The following NLRP12 variants were observed in gnomAD, a reference collection of about 807,000 sequenced individuals.
NLRP12 encodes NLR family pyrin domain containing 12.
In NLRP12, 108 loss-of-function variants were observed where a neutral mutation model predicts 91.2. The observed-to-expected ratio is 1.18, with a 90% confidence interval of 1.01 to 1.39. The LOEUF (loss-of-function observed/expected upper bound fraction) is 1.39, where lower values mean the gene tolerates loss of function less well. Among genes scored for constraint, NLRP12 ranks in the 40% most tolerant of loss-of-function variants. NLRP12 has a pLI of 0.00. For missense variants in NLRP12, 1,530 were observed against 1,352.7 expected, an observed-to-expected ratio of 1.13 and a Z score of -2.06; for synonymous variants, 613 against 566.7, an observed-to-expected ratio of 1.08 and a Z score of -1.16.
Position 53,814,216 on chromosome 19 carries a change from T to C in NLRP12, c.370+692A>G, listed in dbSNP as rs116296528. 5.2e-3 allele frequency among the ~76,000 whole-genome samples: 794 copies of C among 152,282 alleles called. 8 individuals are homozygous for C. Among genetic ancestry groups the C allele is most frequent in the Middle Eastern group, 0.02 (6 of 294 alleles). On this transcript the variant is annotated intron_variant, in intron 2 of 9. Coordinates refer to ENST00000324134, the MANE Select transcript of NLRP12 (RefSeq NM_144687.4). ...AAGCCTCAGAGGATGAATTATGGTT[T>C]TGCTAAATCAGTCATGAGTAACCTC...
intron 1 of NLRP12, among the ~76,000 whole-genome samples, chr19:53,823,483 T>TATA (rs1305657735): frequency 9.6e-6 from 1 of 104,026 alleles, no homozygotes; most frequent in Non-Finnish European, 1.9e-5. Context: ...AAAATATATA[T>TATA]TTTAAAATAT....
rs2092026599 is a variant in NLRP12 at position 53,809,676 on chromosome 19, C to G, written c.1983G>C (p.Gln661His). ...AGGTGGCGCCATACAAGTGCAGCAC[C>G]TGGGCGCTCCTGCAGCGCTTCAGAC... Reference protein sequence around the residue: ...SFCLKRCRSAQVLHLYGATYS... With the variant: ...SFCLKRCRSAHVLHLYGATYS... The change falls in exon 3 of 10, where the codon CAG (glutamine) becomes CAC (histidine). Residue 661 changes from glutamine (Q) to histidine (H), a missense_variant. Coordinates refer to ENST00000324134, the MANE Select transcript of NLRP12 (RefSeq NM_144687.4). The G allele has an allele frequency of 6.8e-6, 11 of 1,614,088 alleles. No homozygotes were observed. The East Asian group carries it at 2.5e-4, about 36-fold the overall frequency.
chr19:53,816,524 ATTTATT>A lies in NLRP12; in HGVS notation c.290-1542_290-1537del, dbSNP rs554934088. ...TCAGTCATCTGGCACCATTTTATTT[ATTTATT>A]TTTATTTATTTGAGACAGTCTCGCT... is the stretch of plus-strand genomic sequence containing the variant. On this transcript the variant is annotated intron_variant, in intron 1 of 9. Coordinates refer to ENST00000324134, the MANE Select transcript of NLRP12 (RefSeq NM_144687.4). Among the ~76,000 whole-genome samples, 58 of 151,540 alleles carry A rather than the reference ATTTATT, an allele frequency of 3.8e-4. 1 individual carries two copies. The South Asian group carries it at 9.4e-3, about 25-fold the overall frequency.
intron 1 of NLRP12, among the ~76,000 whole-genome samples, chr19:53,819,589 A>ACATATATATATG (rs2092230219): frequency 1.7e-5 from 1 of 57,582 alleles, no homozygotes; most frequent in African/African-American, 6.3e-5. Context: ...ATGTATGTAT[A>ACATATATATATG]CGTATATACG....
intron 3 of NLRP12, chr19:53,808,090 G>A: frequency 2.9e-6 from 1 of 349,974 alleles, no homozygotes; most frequent in Non-Finnish European, 5.6e-6. Context: ...AGAGGGCCTT[G>A]CCCTGTTGTC....
At chr19:53,815,827 G>A (rs949541281) in intron 1 of NLRP12, among the ~76,000 whole-genome samples, 4 of 151,534 alleles carry the variant, frequency 2.6e-5, no homozygotes, top group African/African-American at 7.3e-5. Flanking sequence ...GGTCAGGCTG[G>A]TCTTGAACTC....
At chr19:53,799,550 C>G (rs1178562277) in intron 7 of NLRP12, among the ~76,000 whole-genome samples, 1 of 151,664 alleles carries the variant, frequency 6.6e-6, no homozygotes, top group East Asian at 2.0e-4. Flanking sequence ...GTGGCAAAAT[C>G]TCAGCTCACT....
rs559005074 is a variant in NLRP12, at chr19:53,819,619, G to GTATA, written c.289+4263_289+4266dup. On this transcript the variant is annotated intron_variant, in intron 1 of 9. Coordinates refer to ENST00000324134, the MANE Select transcript of NLRP12 (RefSeq NM_144687.4). ...TATACGCATATATATGTATGTATAC[G>GTATA]TATATACGCGTATATATGTATGTAT... Among the ~76,000 whole-genome samples the GTATA allele has an allele frequency of 9.2e-4, 20 of 21,640 alleles. 2 individuals carry two copies. The highest frequency in any genetic ancestry group is 2.6e-3 in the African/African-American group (17 of 6,508). 14.2% of individuals were successfully genotyped at this position (21,640 alleles called of 152,430 possible).
chr19:53,805,347 C>T lies in NLRP12; in HGVS notation c.2347G>A (p.Gly783Arg). ...TRMDLSGNGV[G>R]FPGMMLLCEG... ...CAAAGCAGCATCATGCCTGGGAATCCAACGCCGTTGCCACTGAGATCCATC... is the reference window on the plus strand; with the variant it reads ...CAAAGCAGCATCATGCCTGGGAATCTAACGCCGTTGCCACTGAGATCCATC... The change falls in exon 5 of 10, where the codon GGA becomes AGA. Residue 783 changes from glycine (G) to arginine (R), a missense_variant. By Grantham distance (125) the Gly-to-Arg change is moderately radical (BLOSUM62 -2). Transcript: ENST00000324134. The T allele has an allele frequency of 6.2e-7, 1 of 1,614,052 alleles. No individual in the cohort carries two copies. The highest frequency in any genetic ancestry group is 8.5e-7 in the Non-Finnish European group (1 of 1,180,028).
rs35326804 is a variant in NLRP12 at position 53,801,094 on chromosome 19, C to CAA, written c.2756+131_2756+132dup. Reference sequence around the variant, plus strand: ...TGTAATCTCAGCTACTTGGGAGTCTCAAAAAAAAAAAAAAAAGGCTGATGT... The same window carrying CAA: ...TGTAATCTCAGCTACTTGGGAGTCTCAAAAAAAAAAAAAAAAAAGGCTGATGT... On this transcript the variant is annotated intron_variant, in intron 7 of 9. Coordinates refer to ENST00000324134, the MANE Select transcript of NLRP12 (RefSeq NM_144687.4). The CAA allele has an allele frequency of 5.6e-3, 3,618 of 650,056 alleles. 2 individuals are homozygous for CAA. The highest frequency in any genetic ancestry group is 0.013 in the African/African-American group (530 of 40,930). The allele number at this position is 650,056 out of a possible 1,614,324, so 40.3% of individuals were successfully genotyped here.
Position 53,805,463 on chromosome 19 carries a change from AGAG to A in NLRP12, c.2244-16_2244-14del, listed in dbSNP as rs2091943716. 2 of 1,612,976 alleles carry A rather than the reference AGAG, an allele frequency of 1.2e-6. No individual in the cohort carries two copies. Among genetic ancestry groups the A allele is most frequent in the Admixed American group, 1.7e-5 (1 of 59,910 alleles). On this transcript the variant is annotated splice_polypyrimidine_tract_variant and intron_variant, in intron 4 of 9. Transcript: ENST00000324134. The stretch of plus-strand genomic sequence containing the variant: ...GCACCTCTTCAGCCTGGGGTGGAAA[AGAG>A]GAGAAAGGAGCTGGTCATTTCTTTT...
At chr19:53,815,603 C>A (rs544898057) in intron 1 of NLRP12, among the ~76,000 whole-genome samples, 5 of 150,862 alleles carry the variant, frequency 3.3e-5, no homozygotes, top group African/African-American at 1.2e-4. Flanking sequence ...ACATCTCATC[C>A]ATTATCTTTT....
chr19:53,809,256 G>C lies in NLRP12; in HGVS notation c.2072+331C>G, dbSNP rs2092012950. 2.0e-5 allele frequency among the ~76,000 whole-genome samples: 3 copies of C among 150,034 alleles called. No individual in the cohort carries two copies. The Admixed American group carries it at 2.0e-4, about 10-fold the overall frequency. ...AAAAAAAAAAAAAAATCGTGGGCCG[G>C]GTGCAGTGGCTCATGCCTGTAATCC... On this transcript the variant is annotated intron_variant, in intron 3 of 9. Transcript: ENST00000324134.
chr19:53,814,139 T>C (rs2092121883), intron 2 of NLRP12, among the ~76,000 whole-genome samples: 1 of 152,102 alleles, frequency 6.6e-6, no homozygotes, highest in Non-Finnish European at 1.5e-5. Context: ...TTCTGTTTGG[T>C]TGGTGGATGC....
chr19:53,809,534 A>AG, intron 3 of NLRP12, 53 bp downstream of exon 3: 1 of 1,436,788 alleles, frequency 7.0e-7, no homozygotes, highest in Non-Finnish European at 9.3e-7. Context: ...AAAAAAAAAA[A>AG]AAAAAAACAC....
chr19:53,819,453 ATATATGTG>A (rs1322742733), intron 1 of NLRP12, among the ~76,000 whole-genome samples: 2 of 7,628 alleles, frequency 2.6e-4, no homozygotes, highest in Non-Finnish European at 5.9e-4. Flanking sequence ...ATATATATAT[ATATATGTG>A]TGTGTGTGTG....
chr19:53,810,990 C>CT lies in NLRP12; in HGVS notation c.668dup (p.Ser224ValfsTer22). On this transcript the variant is annotated frameshift_variant, in exon 3 of 10. Coordinates refer to ENST00000324134, the MANE Select transcript of NLRP12 (RefSeq NM_144687.4). LOFTEE classifies it high-confidence loss of function. ...GCATCACCTTGTGTGCCAGCATGGACTTGCCTATCCCTGCCGCGCCTTGCA... is the reference window on the plus strand; with the variant it reads ...GCATCACCTTGTGTGCCAGCATGGACTTTGCCTATCCCTGCCGCGCCTTGCA... 6.2e-7 allele frequency: 1 copy of CT among 1,614,170 alleles called. No individual in the cohort carries two copies. The highest frequency in any genetic ancestry group is 8.5e-7 in the Non-Finnish European group (1 of 1,180,010).
At chr19:53,803,766 G>T (rs756457421) in intron 6 of NLRP12, 186 bp downstream of exon 6, 3 of 619,354 alleles carry the variant, frequency 4.8e-6, no homozygotes, top group Admixed American at 4.3e-5. Context: ...TAGAGAGGGG[G>T]TTTCACCGTG....
At chr19:53,811,786 C>T (rs1161323586) in intron 2 of NLRP12, among the ~76,000 whole-genome samples, 5 of 151,834 alleles carry the variant, frequency 3.3e-5, no homozygotes, top group South Asian at 2.1e-4. Context: ...AGGATGGTCT[C>T]GATCTCTTGA....
Sources: allele counts gnomAD v4.1 joint callset (sites outside exome capture counted in the v4.1 genomes callset), GRCh38; gene constraint gnomAD v4.1.1; transcripts MANE v1.5; gene names NCBI Gene and HGNC (gene_info 2026-07-23, HGNC 2026-07-21).